The following CHLSN variants were observed in gnomAD, a reference collection of about 807,000 sequenced individuals.
The protein encoded by CHLSN is cholesin, also known as protein cholesin.
chr7:1,135,203 G>A, the CHLSN span, among the ~76,000 whole-genome samples: 5 of 152,032 alleles, frequency 3.3e-5, no homozygotes, highest in East Asian at 1.9e-4. Flanking sequence ...TCACTCCCTC[G>A]TGATCCCATT....
the CHLSN span, among the ~76,000 whole-genome samples, chr7:1,080,644 A>T: frequency 6.6e-6 from 1 of 152,240 alleles, no homozygotes; most frequent in South Asian, 2.1e-4. Flanking sequence ...AGCCAAAAGG[A>T]GTATTTTACT....
the CHLSN span, among the ~76,000 whole-genome samples, chr7:981,941 G>C: frequency 6.6e-6 from 1 of 152,276 alleles, no homozygotes; most frequent in East Asian, 1.9e-4. Context: ...GCTGAGGTGG[G>C]AGGATGGCTT....
the CHLSN span, among the ~76,000 whole-genome samples, chr7:1,016,532 CACAAA>C: frequency 6.8e-6 from 1 of 146,600 alleles, no homozygotes; most frequent in African/African-American, 2.6e-5. Flanking sequence ...CACACACCAG[CACAAA>C]GCAGCGCACG....
the CHLSN span, among the ~76,000 whole-genome samples, chr7:1,124,801 C>T: frequency 1.3e-5 from 2 of 151,612 alleles, no homozygotes; most frequent in Non-Finnish European, 2.9e-5. Flanking sequence ...CAACAGCCTG[C>T]GGAGGAGGAG....
chr7:996,551 G>A, the CHLSN span, among the ~76,000 whole-genome samples: 10 of 152,340 alleles, frequency 6.6e-5, no homozygotes, highest in Non-Finnish European at 1.2e-4. Context: ...GGCCCAGACC[G>A]GAGCCACTGG....
At chr7:1,132,592 G>A in the CHLSN span, among the ~76,000 whole-genome samples, 1 of 151,696 alleles carries the variant, frequency 6.6e-6, no homozygotes, top group Non-Finnish European at 1.5e-5. Flanking sequence ...TACTTGGGAG[G>A]CTGAAGTGGG....
chr7:1,122,300 T>C, the CHLSN span, among the ~76,000 whole-genome samples: 1 of 152,212 alleles, frequency 6.6e-6, no homozygotes, highest in Non-Finnish European at 1.5e-5. Flanking sequence ...GGGGTTCTGC[T>C]GACATGCTGA....
the CHLSN span, among the ~76,000 whole-genome samples, chr7:1,132,276 A>C: frequency 6.6e-6 from 1 of 152,226 alleles, no homozygotes; most frequent in African/African-American, 2.4e-5. Context: ...GGCTGAGTGC[A>C]GTGGCTAATG....
chr7:1,092,184 C>T, the CHLSN span: 1 of 1,613,312 alleles, frequency 6.2e-7, no homozygotes, highest in Non-Finnish European at 8.5e-7. Context: ...CCTGGATGAG[C>T]TTCGACCGCT....
the CHLSN span, chr7:1,058,666 A>T: frequency 3.3e-6 from 2 of 610,726 alleles, no homozygotes; most frequent in African/African-American, 1.9e-5. Flanking sequence ...TTTCCCACAA[A>T]TGCCACTCTT....
chr7:981,628 C>T, the CHLSN span, among the ~76,000 whole-genome samples: 1 of 152,010 alleles, frequency 6.6e-6, no homozygotes, highest in African/African-American at 2.4e-5. Context: ...GCAGGAGAAT[C>T]GCTCCAACCC....
At chr7:1,100,731 C>A in the CHLSN span, among the ~76,000 whole-genome samples, 5 of 152,082 alleles carry the variant, frequency 3.3e-5, no homozygotes, top group African/African-American at 1.2e-4. Flanking sequence ...GTCCCCTCTG[C>A]CTCCCTGCCT....
the CHLSN span, among the ~76,000 whole-genome samples, chr7:980,727 G>A: frequency 7.9e-4 from 99 of 126,014 alleles, no homozygotes; most frequent in African/African-American, 2.9e-3. Flanking sequence ...TCACTCTGTT[G>A]CCCAGGCTGG....
At chr7:1,090,841 C>T in the CHLSN span, among the ~76,000 whole-genome samples, 3 of 152,216 alleles carry the variant, frequency 2.0e-5, no homozygotes, top group Non-Finnish European at 2.9e-5. Context: ...ACAATGACCC[C>T]TTTCACTCTA....
the CHLSN span, chr7:983,115 G>A: frequency 9.3e-7 from 1 of 1,074,784 alleles, no homozygotes; most frequent in Non-Finnish European, 1.2e-6. Flanking sequence ...GGGTGGTGGG[G>A]TGGGTGGGGT....
chr7:1,020,451 T>C, the CHLSN span, among the ~76,000 whole-genome samples: 2 of 152,140 alleles, frequency 1.3e-5, no homozygotes, highest in African/African-American at 4.8e-5. Flanking sequence ...CTGCCCCATC[T>C]TGCGTCTCCA....
chr7:1,092,846 G>A, the CHLSN span: 20 of 1,612,342 alleles, frequency 1.2e-5, no homozygotes, highest in Non-Finnish European at 1.4e-5. Flanking sequence ...AGGTTCAGCA[G>A]TGCCGTGTAG....
At chr7:989,017 C>A in the CHLSN span, 3 of 552,448 alleles carry the variant, frequency 5.4e-6, no homozygotes, top group Admixed American at 9.2e-5. Context: ...CCTGTGGGAC[C>A]CCCACCCCTC....
chr7:1,092,498 C>T, the CHLSN span: 13 of 1,607,622 alleles, frequency 8.1e-6, no homozygotes, highest in East Asian at 4.5e-5. Context: ...CGGCAGAAGG[C>T]GCTCCGCATG....
Sources: gnomAD v4.1 joint callset for allele counts (sites outside exome capture counted in the v4.1 genomes callset) on GRCh38, gnomAD v4.1.1 for gene constraint, MANE v1.5 for transcripts, NCBI Gene and HGNC (gene_info 2026-07-23, HGNC 2026-07-21) for gene names.